The following RAP1A variants were observed in gnomAD, a reference collection of about 807,000 sequenced individuals.
RAP1A encodes RAP1A, member of RAS oncogene family.
In RAP1A, 6 loss-of-function variants were observed where a neutral mutation model predicts 26.4. The ratio of observed to expected loss-of-function variants is 0.23; its 90% CI spans 0.12 to 0.45. The LOEUF is 0.45. Ranked by LOEUF, RAP1A falls within the 20% of genes least tolerant of loss-of-function variation. RAP1A has a pLI of 0.99. For synonymous variants in RAP1A, 73 were observed against 79.4 expected, an observed-to-expected ratio of 0.92 and a Z score of 0.43; for missense variants, 121 against 217.2, an observed-to-expected ratio of 0.56 and a Z score of 2.78.
At chr1:111,586,829 T>C (rs149132528) in intron 1 of RAP1A, among the ~76,000 whole-genome samples, 30 of 152,340 alleles carry the variant, frequency 2.0e-4, no homozygotes, top group South Asian at 2.1e-4. Context: ...TTGCTTCTTA[T>C]GGCAAACTGC....
At chr1:111,616,916 G>A (rs1460385919), upstream of RAP1A, among the ~76,000 whole-genome samples, 1 of 152,146 alleles carries the variant, frequency 6.6e-6, no homozygotes, top group East Asian at 1.9e-4. Context: ...ATAGCCAACA[G>A]CTTTTCATTG....
chr1:111,642,895 G>A (rs555120802), intron 1 of RAP1A, among the ~76,000 whole-genome samples: 109 of 148,888 alleles, frequency 7.3e-4, no homozygotes, highest in Non-Finnish European at 1.3e-3. Flanking sequence ...TCAGCCTCCC[G>A]GGTAGCTGGG....
chr1:111,709,059 A>G, intron 6 of RAP1A, 90 bp from the exon 7 acceptor site: 2 of 1,434,092 alleles, frequency 1.4e-6, no homozygotes, highest in Non-Finnish European at 1.8e-6. Context: ...ATGCAGATCT[A>G]AGACCAGAAT....
At chr1:111,630,239 A>G (rs562380965) in intron 1 of RAP1A, among the ~76,000 whole-genome samples, 17 of 152,328 alleles carry the variant, frequency 1.1e-4, no homozygotes, top group Middle Eastern at 3.4e-3. Flanking sequence ...GTTGAATAGA[A>G]TATTATGTAC....
chr1:111,649,270 C>A, intron 1 of RAP1A: 1 of 470,822 alleles, frequency 2.1e-6, no homozygotes, highest in South Asian at 1.7e-5. Flanking sequence ...TTCCGGTTCT[C>A]GGTTTCCAGG....
intron 1 of RAP1A, among the ~76,000 whole-genome samples, chr1:111,652,621 T>C (rs573990156): frequency 2.0e-5 from 3 of 152,176 alleles, no homozygotes; most frequent in East Asian, 1.9e-4. Flanking sequence ...ATATAAAATA[T>C]AAACAGAGAC....
intron 1 of RAP1A, among the ~76,000 whole-genome samples, chr1:111,543,603 GAGGAGGAGGAAGAGAAGGAGGAAT>G (rs11270926): frequency 0.96 from 139,623 of 146,054 alleles, 67,046 homozygotes; most frequent in Non-Finnish European, 1. Context: ...CTGTCTTAAG[GAGGAGGAGGAAGAGAAGGAGGAAT>G]AGGAGGAGGA....
intron 1 of RAP1A, among the ~76,000 whole-genome samples, chr1:111,660,134 T>C (rs1425767118): frequency 6.6e-6 from 1 of 152,222 alleles, no homozygotes; most frequent in Non-Finnish European, 1.5e-5. Flanking sequence ...TGTTTGAAAA[T>C]GTGTGCATTT....
At chr1:111,652,906 A>T (rs149374114) in intron 1 of RAP1A, among the ~76,000 whole-genome samples, 8 of 152,358 alleles carry the variant, frequency 5.3e-5, no homozygotes, top group Non-Finnish European at 1.2e-4. Flanking sequence ...CTTACGACCC[A>T]GCAGTTTTGC....
At chr1:111,673,772 TA>T (rs1661045071) in intron 1 of RAP1A, among the ~76,000 whole-genome samples, 1 of 152,240 alleles carries the variant, frequency 6.6e-6, no homozygotes, top group Non-Finnish European at 1.5e-5. Flanking sequence ...GAGTTAGAAC[TA>T]ATTCCCCTTA....
intron 1 of RAP1A, among the ~76,000 whole-genome samples, chr1:111,634,049 T>C (rs1659651810): frequency 6.6e-6 from 1 of 152,252 alleles, no homozygotes; most frequent in African/African-American, 2.4e-5. Context: ...TCAATTTTGA[T>C]CTTTTGCATT....
At chr1:111,552,361 G>C (rs910887913) in intron 1 of RAP1A, among the ~76,000 whole-genome samples, 57 of 152,334 alleles carry the variant, frequency 3.7e-4, no homozygotes, top group Admixed American at 1.4e-3. Context: ...AATGTCACAA[G>C]TCTGTCCCTC....
intron 1 of RAP1A, among the ~76,000 whole-genome samples, chr1:111,607,063 T>C (rs1447128231): frequency 6.6e-6 from 1 of 151,288 alleles, no homozygotes; most frequent in South Asian, 2.1e-4. Flanking sequence ...TGGGTGTTTC[T>C]CGCAGAGGGG....
At chr1:111,580,324 T>C (rs1349995568) in intron 1 of RAP1A, among the ~76,000 whole-genome samples, 2 of 152,122 alleles carry the variant, frequency 1.3e-5, no homozygotes, top group East Asian at 3.8e-4. Flanking sequence ...CATGGCTAGA[T>C]AAGATGGAGC....
chr1:111,684,693 AATG>A (rs1661413543), intron 1 of RAP1A, among the ~76,000 whole-genome samples: 1 of 151,852 alleles, frequency 6.6e-6, no homozygotes, highest in African/African-American at 2.4e-5. Flanking sequence ...ATATCGTGAA[AATG>A]GTCATACTGC....
chr1:111,623,992 C>G (rs1312398953), intron 1 of RAP1A, among the ~76,000 whole-genome samples: 1 of 152,070 alleles, frequency 6.6e-6, no homozygotes, highest in Non-Finnish European at 1.5e-5. Context: ...TTCTAAAATT[C>G]TCTTATTTTA....
chr1:111,645,338 A>G (rs1042707721), intron 1 of RAP1A, among the ~76,000 whole-genome samples: 2 of 152,186 alleles, frequency 1.3e-5, no homozygotes, highest in African/African-American at 4.8e-5. Context: ...AGATCATAGT[A>G]ACTGGACTTA....
chr1:111,677,320 A>G lies in RAP1A; in HGVS notation c.-27-14014A>G, dbSNP rs560440949. 5.3e-5 allele frequency among the ~76,000 whole-genome samples: 8 copies of G among 152,324 alleles called. No individual in the cohort carries two copies. In the South Asian group the frequency reaches 1.0e-3, roughly 20 times the overall value. ...TGGCTATTACAAAGACAGAAGTTGA[A>G]GTTAACATTGTTTCTCAGCTTGGCT... On this transcript the variant is annotated intron_variant, in intron 1 of 7. Coordinates refer to ENST00000369709, the MANE Select transcript of RAP1A (RefSeq NM_002884.4).
At chr1:111,584,133 C>T (rs113724770) in intron 1 of RAP1A, among the ~76,000 whole-genome samples, 8,040 of 151,924 alleles carry the variant, frequency 0.053, 683 homozygotes, top group African/African-American at 0.18. Context: ...CCACCCGCCT[C>T]GGCCTCTCAA....
Sources: allele counts gnomAD v4.1 joint callset (sites outside exome capture counted in the v4.1 genomes callset), GRCh38; gene constraint gnomAD v4.1.1; transcripts MANE v1.5; gene names NCBI Gene and HGNC (gene_info 2026-07-23, HGNC 2026-07-21).